Variants in SLC20A2 observed in about 807,000 individuals in gnomAD.
SLC20A2 encodes the protein sodium-dependent phosphate transporter 2.
A neutral mutation model predicts 61.0 loss-of-function variants in SLC20A2; 30 were observed. The observed-to-expected ratio is 0.49, with a 90% CI of 0.37 to 0.67. The LOEUF (loss-of-function observed/expected upper bound fraction) is 0.67. Among genes scored for constraint, SLC20A2 ranks in the 30% least tolerant of loss-of-function variants. The pLI is 0.00. For synonymous variants in SLC20A2, 351 were observed against 353.3 expected (o/e 0.99, Z 0.07); for missense variants, 626 against 866.4 (o/e 0.72, Z 3.48).
intron 3 of SLC20A2, among the ~76,000 whole-genome samples, chr8:42,464,090 A>ATTTTTTTTTTTTTTT (rs1563488008): frequency 1.0e-4 from 2 of 20,024 alleles, no homozygotes; most frequent in Non-Finnish European, 1.3e-4. Flanking sequence ...AGGCTGGATG[A>ATTTTTTTTTTTTTTT]TCTTTTTTTT....
chr8:42,498,507 CTTG>C (rs1374188551), intron 1 of SLC20A2, among the ~76,000 whole-genome samples: 1 of 152,118 alleles, frequency 6.6e-6, no homozygotes, highest in African/African-American at 2.4e-5. Flanking sequence ...TGTGTCCTGC[CTTG>C]TTGTAGCATG....
At position 42,539,315 on chromosome 8, in the gene SLC20A2, C is replaced by T. The variant is rs566236831; in HGVS notation, c.-265+2506G>A. 3.3e-5 allele frequency among the ~76,000 whole-genome samples: 5 copies of T among 152,298 alleles called. No homozygotes were observed. In the South Asian group the frequency reaches 8.3e-4, roughly 25 times the overall value. On this transcript the variant is annotated intron_variant, in intron 1 of 10. Coordinates refer to the SLC20A2 transcript ENST00000342228. ...ATGTGAACTGTTAAGTTAAACCCTA[C>T]GCTCATCTCGGAATCACTGTTAATT...
intron 1 of SLC20A2, among the ~76,000 whole-genome samples, chr8:42,480,862 T>C (rs1289274699): frequency 1.3e-5 from 2 of 152,174 alleles, no homozygotes; most frequent in Non-Finnish European, 2.9e-5. Flanking sequence ...AGTCTCACTA[T>C]GTTGCCCAGG....
upstream of SLC20A2, among the ~76,000 whole-genome samples, chr8:42,505,434 C>A (rs1563532963): frequency 6.6e-6 from 1 of 152,114 alleles, no homozygotes; most frequent in Admixed American, 6.6e-5. Context: ...TGCCTGACCC[C>A]TCATTTCTTA....
At chr8:42,501,656 TTCTC>T (rs1434473346), upstream of SLC20A2, among the ~76,000 whole-genome samples, 1 of 152,254 alleles carries the variant, frequency 6.6e-6, no homozygotes, top group Non-Finnish European at 1.5e-5. Flanking sequence ...AGCTTTTTCT[TTCTC>T]TATAATGAAC....
intron 5 of SLC20A2, among the ~76,000 whole-genome samples, chr8:42,452,466 A>G (rs1805811552): frequency 7.0e-6 from 1 of 142,622 alleles, no homozygotes; most frequent in African/African-American, 2.6e-5. Flanking sequence ...GAGATGGAGA[A>G]GGAGGAAGGG....
intron 1 of SLC20A2, among the ~76,000 whole-genome samples, chr8:42,527,381 GA>G (rs35081913): frequency 0.69 from 100,836 of 147,090 alleles, 34,767 homozygotes; most frequent in African/African-American, 0.83. Context: ...CAAAATTAAG[GA>G]AAAAAAAAAA....
At chr8:42,475,202 C>T (rs1460135396) in intron 1 of SLC20A2, among the ~76,000 whole-genome samples, 1 of 151,898 alleles carries the variant, frequency 6.6e-6, no homozygotes, top group African/African-American at 2.4e-5. Context: ...CAGGCTCAAG[C>T]GATCCTCCTG....
At position 42,437,224 on chromosome 8, in the gene SLC20A2, A is replaced by C. The variant is rs920439006; in HGVS notation, c.1288T>G (p.Tyr430Asp). 1 of 1,613,682 alleles carries C rather than the reference A, an allele frequency of 6.2e-7. No homozygotes were observed. Among genetic ancestry groups the C allele is most frequent in the South Asian group, 1.1e-5 (1 of 91,090 alleles). Residue 430 changes from tyrosine (Y) to aspartate (D), a missense_variant, in exon 8 of 11, where the codon TAC becomes GAC. Tyr to Asp is a radical substitution (Grantham distance 160). This residue lies in a region of SLC20A2 where 361 missense variants were observed against 422.3 expected (regional missense o/e 0.85). Transcript: ENST00000520262. The surrounding 1 kb of genome is among the most constrained non-coding windows in gnomAD (Gnocchi z 6.4). ...TTACAGTAGCTCGAGTAGCTGTCGTAGCGCAGCCTCTTCTTGGAGTAGGAC... is the reference window on the plus strand; with the variant it reads ...TTACAGTAGCTCGAGTAGCTGTCGTCGCGCAGCCTCTTCTTGGAGTAGGAC... ...TVSYSKKRLRYDSYSSYCNAV... is the reference protein window; with the variant it reads ...TVSYSKKRLRDDSYSSYCNAV...
chr8:42,537,172 C>T (rs1812759750), intron 1 of SLC20A2, among the ~76,000 whole-genome samples: 1 of 150,894 alleles, frequency 6.6e-6, no homozygotes, highest in South Asian at 2.1e-4. Context: ...TTGTTTGAGC[C>T]CAGGAGTTCA....
intron 5 of SLC20A2, among the ~76,000 whole-genome samples, chr8:42,453,070 C>T (rs942545030): frequency 1.3e-5 from 2 of 152,112 alleles, no homozygotes; most frequent in African/African-American, 4.8e-5. Flanking sequence ...TTGACAAGTT[C>T]CTGCATGCTA....
At chr8:42,499,213 C>T (rs935216240) in intron 1 of SLC20A2, among the ~76,000 whole-genome samples, 1 of 152,094 alleles carries the variant, frequency 6.6e-6, no homozygotes, top group Non-Finnish European at 1.5e-5. Flanking sequence ...CCTGTTTCTC[C>T]GCACCTGGAC....
rs956064728 is a variant in SLC20A2, at chr8:42,443,271, A to T, written c.730+1375T>A. On this transcript the variant is annotated intron_variant, in intron 6 of 10. Coordinates refer to ENST00000520262, the MANE Select transcript of SLC20A2 (RefSeq NM_001257180.2). ...ATACAATTATTATTATAGGATATATATATATATATATATATATATATATAT... is the reference window on the plus strand; with the variant it reads ...ATACAATTATTATTATAGGATATATTTATATATATATATATATATATATAT... Among the ~76,000 whole-genome samples the T allele has an allele frequency of 2.5e-3, 92 of 36,830 alleles. 3 individuals are homozygous for T. The highest frequency in any genetic ancestry group is 0.022 in the South Asian group (24 of 1,082). The allele number at this position is 36,830 out of a possible 152,430, so 24.2% of individuals were successfully genotyped here. A position where few individuals can be genotyped will look rare whatever the true frequency, so the allele number is the denominator to read the frequency against.
At chr8:42,486,771 T>A (rs1809045532) in intron 1 of SLC20A2, among the ~76,000 whole-genome samples, 1 of 152,370 alleles carries the variant, frequency 6.6e-6, no homozygotes, top group South Asian at 2.1e-4. Context: ...AGTATGTCTG[T>A]GTTTATCCTA....
At chr8:42,540,340 C>T (rs1466257187) in intron 1 of SLC20A2, among the ~76,000 whole-genome samples, 1 of 152,172 alleles carries the variant, frequency 6.6e-6, no homozygotes, top group East Asian at 1.9e-4. Context: ...TTTGGACACA[C>T]TGAAATCAAA....
intron 2 of SLC20A2, among the ~76,000 whole-genome samples, 193 bp downstream of exon 2, chr8:42,471,909 T>C (rs1424898924): frequency 1.3e-5 from 2 of 152,218 alleles, no homozygotes; most frequent in Non-Finnish European, 2.9e-5. Flanking sequence ...AAATAAATGG[T>C]TGCCTGATAT....
In SLC20A2 at chr8:42,519,399, G is replaced by A. The variant is rs376822937; in HGVS notation, c.-265+22422C>T. Among the ~76,000 whole-genome samples the A allele has an allele frequency of 8.0e-5, 12 of 150,326 alleles. 1 individual carries two copies. The highest frequency in any genetic ancestry group is 2.7e-4 in the African/African-American group (11 of 40,846). ...GCAGAGGTTGCAGTGAGCCAAGATC[G>A]CACCACTGCACTCCAGCCTGGGCGA... On this transcript the variant is annotated intron_variant, in intron 1 of 10. Coordinates refer to the SLC20A2 transcript ENST00000342228.
At position 42,464,092 on chromosome 8, in the gene SLC20A2, C is replaced by CTTTTTTTTTTTTTT. The variant is rs1170751054; in HGVS notation, c.431-1016_431-1003dup. Among the ~76,000 whole-genome samples, 145 of 20,550 alleles carry CTTTTTTTTTTTTTT rather than the reference C, an allele frequency of 7.1e-3. 60 individuals carry two copies. The highest frequency in any genetic ancestry group is 0.011 in the Non-Finnish European group (106 of 9,978). 13.5% of individuals were successfully genotyped at this position (20,550 alleles called of 152,430 possible). A position where few individuals can be genotyped will look rare whatever the true frequency, so the allele number is the denominator to read the frequency against. On this transcript the variant is annotated intron_variant, in intron 3 of 10. Coordinates refer to ENST00000520262, the MANE Select transcript of SLC20A2 (RefSeq NM_001257180.2). ...CTTCCCAAAGGGCAGGCTGGATGAT[C>CTTTTTTTTTTTTTT]TTTTTTTTTTTTTTTTTTTTTTTTT...
At chr8:42,484,957 C>T (rs921829409) in intron 1 of SLC20A2, 2 of 356,160 alleles carry the variant, frequency 5.6e-6, no homozygotes, top group Non-Finnish European at 1.1e-5. Context: ...ACAGGGCACA[C>T]GACTAAGCAC....
Sources: gnomAD v4.1 joint callset for allele counts (sites outside exome capture counted in the v4.1 genomes callset) on GRCh38, gnomAD v4.1.1 for gene constraint, gnomAD v4.1.1 regional missense constraint, Gnocchi (gnomAD v3.1) non-coding constraint, MANE v1.5 for transcripts, NCBI Gene and HGNC (gene_info 2026-07-23, HGNC 2026-07-21) for gene names.